ANXA8: variants seen among roughly 807,000 people sequenced by gnomAD.
The protein encoded by ANXA8 is VAC-beta.
In ANXA8, 9 loss-of-function variants were observed where a neutral mutation model predicts 26.8. The observed-to-expected ratio is 0.34, with a 90% CI of 0.20 to 0.59. The LOEUF is 0.59. ANXA8 is among the 20% of genes least tolerant of loss of function. The pLI, the probability that ANXA8 is intolerant of heterozygous loss-of-function variation, is 0.84. For synonymous variants in ANXA8, 39 were observed against 94.8 expected (o/e 0.41, Z 3.42); for missense variants, 83 against 238.5 (o/e 0.35, Z 4.29).
the ANXA8 span, among the ~76,000 whole-genome samples, chr10:47,778,467 C>A: frequency 1.3e-5 from 2 of 151,028 alleles, no homozygotes; most frequent in Non-Finnish European, 2.9e-5. Flanking sequence ...TGTGGCCGAG[C>A]GGCTGTCATT....
At chr10:47,646,568 A>G in the ANXA8 span, among the ~76,000 whole-genome samples, 1 of 151,510 alleles carries the variant, frequency 6.6e-6, no homozygotes, top group African/African-American at 2.4e-5. Context: ...GTTAGTTGAG[A>G]CAGAAACAGG....
At chr10:47,742,899 A>T in the ANXA8 span, among the ~76,000 whole-genome samples, 1 of 143,574 alleles carries the variant, frequency 7.0e-6, no homozygotes, top group Admixed American at 7.0e-5. Flanking sequence ...TCACGCCTGT[A>T]ATCCCAGCAC....
chr10:47,715,690 A>C, the ANXA8 span: 1 of 1,101,634 alleles, frequency 9.1e-7, no homozygotes, highest in East Asian at 2.6e-5. Context: ...GTTCAGCGCA[A>C]TTACACACTA....
At chr10:47,504,843 GTTCTTTT>G in the ANXA8 span, among the ~76,000 whole-genome samples, 1 of 92,188 alleles carries the variant, frequency 1.1e-5, no homozygotes, top group African/African-American at 4.0e-5. Context: ...GGTCATAACT[GTTCTTTT>G]TTTTTTTTTT....
the ANXA8 span, among the ~76,000 whole-genome samples, chr10:47,495,899 G>A: frequency 2.0e-5 from 3 of 151,636 alleles, no homozygotes; most frequent in African/African-American, 7.3e-5. Flanking sequence ...GACCCTCAGA[G>A]TGAGAACGCA....
At chr10:47,765,943 T>C in the ANXA8 span, among the ~76,000 whole-genome samples, 1 of 149,592 alleles carries the variant, frequency 6.7e-6, no homozygotes, top group Non-Finnish European at 1.5e-5. Flanking sequence ...CCCACCCTCC[T>C]TCTCCACTGC....
chr10:47,510,808 A>C, the ANXA8 span, among the ~76,000 whole-genome samples: 1 of 92,172 alleles, frequency 1.1e-5, no homozygotes, highest in Non-Finnish European at 2.0e-5. Context: ...CCAGGCCGGG[A>C]GACAAAGTGA....
At chr10:47,558,424 C>T in the ANXA8 span, among the ~76,000 whole-genome samples, 2 of 151,790 alleles carry the variant, frequency 1.3e-5, no homozygotes, top group South Asian at 4.2e-4. Flanking sequence ...GACTCCTGCT[C>T]TTTGTTAAAA....
the ANXA8 span, among the ~76,000 whole-genome samples, chr10:47,980,531 GA>G: frequency 6.6e-6 from 1 of 151,612 alleles, no homozygotes; most frequent in Admixed American, 6.6e-5. Context: ...TGACTGAGAA[GA>G]AAAAAGTTAT....
the ANXA8 span, among the ~76,000 whole-genome samples, chr10:47,693,435 G>A: frequency 1.3e-5 from 2 of 151,520 alleles, no homozygotes; most frequent in Admixed American, 1.3e-4. Context: ...GACTACAGGC[G>A]CCTGCCACCG....
At chr10:47,513,016 T>G in the ANXA8 span, among the ~76,000 whole-genome samples, 1 of 129,204 alleles carries the variant, frequency 7.7e-6, no homozygotes. Context: ...ATGAAACCCA[T>G]TTGATCATGG....
chr10:47,707,312 G>C, the ANXA8 span, among the ~76,000 whole-genome samples: 1 of 143,020 alleles, frequency 7.0e-6, no homozygotes, highest in Non-Finnish European at 1.6e-5. Context: ...AGGACTTCTG[G>C]GAAATAATTA....
chr10:47,589,271 T>G, the ANXA8 span: 14 of 147,348 alleles, frequency 9.5e-5, no homozygotes, highest in Non-Finnish European at 1.8e-4. Flanking sequence ...ACAGGAGGCC[T>G]TTGCCAGTAT....
At chr10:47,577,262 G>A in the ANXA8 span, among the ~76,000 whole-genome samples, 2 of 139,258 alleles carry the variant, frequency 1.4e-5, no homozygotes, top group Non-Finnish European at 3.1e-5. Flanking sequence ...GGGAAGCTCA[G>A]CATGGTGGCT....
chr10:47,604,396 ACTT>A, the ANXA8 span, among the ~76,000 whole-genome samples: 2 of 147,588 alleles, frequency 1.4e-5, no homozygotes, highest in Non-Finnish European at 3.0e-5. Context: ...AGAAAATTAT[ACTT>A]AATAATGTAG....
chr10:47,675,020 T>C, the ANXA8 span, among the ~76,000 whole-genome samples: 1 of 145,874 alleles, frequency 6.9e-6, no homozygotes, highest in African/African-American at 2.6e-5. Context: ...AATCCTAGAA[T>C]TAGCCATTTC....
the ANXA8 span, among the ~76,000 whole-genome samples, chr10:47,948,100 G>A: frequency 1.3e-5 from 2 of 148,560 alleles, 1 homozygote; most frequent in African/African-American, 5.1e-5. Context: ...TTCAGTCAAA[G>A]CTTCAAAACA....
the ANXA8 span, among the ~76,000 whole-genome samples, chr10:47,670,537 A>G: frequency 6.6e-6 from 1 of 152,192 alleles, no homozygotes; most frequent in African/African-American, 2.4e-5. Flanking sequence ...TTTCCATTAA[A>G]AACTTTTTAT....
the ANXA8 span, among the ~76,000 whole-genome samples, chr10:47,989,473 A>G: frequency 8.1e-6 from 1 of 123,452 alleles, no homozygotes; most frequent in Non-Finnish European, 1.8e-5. Context: ...CTGCATTGAG[A>G]AGCCTCTGTC....
Sources: allele counts gnomAD v4.1 joint callset (sites outside exome capture counted in the v4.1 genomes callset), GRCh38; gene constraint gnomAD v4.1.1; transcripts MANE v1.5; gene names NCBI Gene and HGNC (gene_info 2026-07-23, HGNC 2026-07-21).